Variants in POU2F2 observed in about 807,000 individuals in gnomAD.
POU2F2 encodes the protein POU domain, class 2, transcription factor 2.
In POU2F2, 14 loss-of-function variants were observed where a neutral mutation model predicts 63.5. The ratio of observed to expected loss-of-function variants is 0.22; its 90% CI spans 0.15 to 0.34. POU2F2 has a LOEUF of 0.34. Among genes scored for constraint, POU2F2 ranks in the 10% least tolerant of loss-of-function variants. The pLI, the probability that POU2F2 is intolerant of heterozygous loss-of-function variation, is 1.00. For missense variants in POU2F2, 607 were observed against 815.2 expected (o/e 0.74, Z 3.11); for synonymous variants, 306 against 348.6 (o/e 0.88, Z 1.36).
rs1555897058 is a variant in POU2F2, at chr19:42,105,999, T to TTTCTTTC, written c.370-6179_370-6178insGAAAGAA. Among the ~76,000 whole-genome samples the TTTCTTTC allele has an allele frequency of 1.3e-4, 17 of 132,324 alleles. No individual in the cohort carries two copies. The South Asian group carries it at 1.5e-3, about 12-fold the overall frequency. 86.8% of individuals were successfully genotyped at this position (132,324 alleles called of 152,430 possible). ...ACATATGATATATAGGATCTTTCTT[T>TTTCTTTC]TTTCTTTCTTTCTTTCTTTCTTTCT... On this transcript the variant is annotated intron_variant, in intron 5 of 14. Coordinates refer to ENST00000692977, the MANE Select transcript of POU2F2 (RefSeq NM_001394376.1).
At chr19:42,193,293 A>C (rs1371311742) in intron 1 of POU2F2, among the ~76,000 whole-genome samples, 1 of 152,174 alleles carries the variant, frequency 6.6e-6, no homozygotes, top group Non-Finnish European at 1.5e-5. Flanking sequence ...GAACCTGTGA[A>C]TGTTACCTTA....
chr19:42,110,202 C>T (rs1600063412), intron 5 of POU2F2, among the ~76,000 whole-genome samples: 1 of 151,670 alleles, frequency 6.6e-6, no homozygotes, highest in Admixed American at 6.6e-5. Context: ...GTTGAGGTTG[C>T]AGTGAGTTAT....
intron 2 of POU2F2, among the ~76,000 whole-genome samples, chr19:42,151,775 C>CA (rs1287586780): frequency 1.3e-5 from 2 of 152,090 alleles, no homozygotes; most frequent in Non-Finnish European, 2.9e-5. Flanking sequence ...TTGGTGGGGG[C>CA]AGATGGTAGA....
chr19:42,134,404 C>T (rs951800074), upstream of POU2F2: 1 of 152,306 alleles, frequency 6.6e-6, no homozygotes, highest in Non-Finnish European at 1.5e-5. Flanking sequence ...GCTGTATACG[C>T]TCCCTGAGAG....
rs947684029 is a variant in POU2F2, at chr19:42,169,797, G to A, written c.-70+6166C>T. ...CGGGGTGATATAAACACATGTGCGT[G>A]TGTACCTGTGTGTCTTTCTTCCCCT... On this transcript the variant is annotated intron_variant, in intron 1 of 6. Coordinates refer to the POU2F2 transcript ENST00000524801. This position sits in a 1 kb window ranked among gnomAD's most constrained non-coding sequence, Gnocchi z 4.3. Among the ~76,000 whole-genome samples the A allele has an allele frequency of 6.6e-5, 10 of 152,100 alleles. No individual in the cohort carries two copies. Among genetic ancestry groups the A allele is most frequent in the African/African-American group, 2.4e-4 (10 of 41,388 alleles).
At position 42,152,417 on chromosome 19, in the gene POU2F2, C is replaced by T. The variant is rs908475979; in HGVS notation, c.-9+7915G>A. Among the ~76,000 whole-genome samples, 1 of 152,164 alleles carries T rather than the reference C, an allele frequency of 6.6e-6. No homozygotes were observed. The highest frequency in any genetic ancestry group is 2.1e-4 in the South Asian group (1 of 4,812). ...GACTATAGGGGTCCCGGCTGCCCTC[C>T]CCCAAACCTCCCCTCCCTTCTCTCC... On this transcript the variant is annotated intron_variant, in intron 2 of 6. Transcript: ENST00000524801. The surrounding 1 kb of genome is among the most constrained non-coding windows in gnomAD (Gnocchi z 4.1).
chr19:42,091,711 C>T, intron 14 of POU2F2, 120 bp from the exon 15 acceptor site: 1 of 1,551,292 alleles, frequency 6.4e-7, no homozygotes, highest in South Asian at 1.2e-5. Flanking sequence ...CCCCCATCAG[C>T]ACCCCTCACA....
At chr19:42,176,998 G>C (rs1001835508), upstream of POU2F2, among the ~76,000 whole-genome samples, 1 of 148,768 alleles carries the variant, frequency 6.7e-6, no homozygotes, top group Non-Finnish European at 1.5e-5. Flanking sequence ...TTTTTAAATG[G>C]AAGGGCAAGC....
At chr19:42,185,313 C>T (rs558876552) in intron 1 of POU2F2, among the ~76,000 whole-genome samples, 1 of 152,048 alleles carries the variant, frequency 6.6e-6, no homozygotes, top group Non-Finnish European at 1.5e-5. Flanking sequence ...CTCCCAGTCT[C>T]CCCTCTTGCC....
chr19:42,163,201 G>A (rs1433302909), intron 1 of POU2F2, among the ~76,000 whole-genome samples: 1 of 152,134 alleles, frequency 6.6e-6, no homozygotes, highest in Non-Finnish European at 1.5e-5. Flanking sequence ...ACCAGGAATG[G>A]CCCACAAAGG....
intron 5 of POU2F2, chr19:42,116,982 C>A: frequency 1.6e-6 from 1 of 615,676 alleles, no homozygotes; most frequent in Non-Finnish European, 3.0e-6. Flanking sequence ...GGAGCTGCTG[C>A]TGAGCTGGCA....
At chr19:42,168,466 A>G (rs929516039) in intron 1 of POU2F2, among the ~76,000 whole-genome samples, 1 of 152,134 alleles carries the variant, frequency 6.6e-6, no homozygotes, top group African/African-American at 2.4e-5. Context: ...GCTTGTTCAC[A>G]TGTCCATGCC....
At chr19:42,135,916 GGCCAAACTGGTCTCGAACTCCTGA>G (rs1301537113), upstream of POU2F2, among the ~76,000 whole-genome samples, 1 of 151,976 alleles carries the variant, frequency 6.6e-6, no homozygotes, top group South Asian at 2.1e-4. Flanking sequence ...TCACCACATT[GGCCAAACTGGTCTCGAACTCCTGA>G]GATCATGTGA....
intron 1 of POU2F2, among the ~76,000 whole-genome samples, chr19:42,195,474 A>G (rs1442020738): frequency 6.6e-6 from 1 of 150,800 alleles, no homozygotes; most frequent in Non-Finnish European, 1.5e-5. Context: ...CTGGAACTAC[A>G]GGCGCCCGCC....
At position 42,104,363 on chromosome 19, in the gene POU2F2, A is replaced by T. The variant is rs542385844; in HGVS notation, c.370-4542T>A. ...AAAATTTATCTATTCTCACTCTAGAAGGCTGGGAATGGCCTTCTAGAGAGG... is the reference window on the plus strand; with the variant it reads ...AAAATTTATCTATTCTCACTCTAGATGGCTGGGAATGGCCTTCTAGAGAGG... On this transcript the variant is annotated intron_variant, in intron 5 of 14. Transcript: ENST00000692977. 7.4e-4 allele frequency among the ~76,000 whole-genome samples: 112 copies of T among 152,102 alleles called. 4 individuals carry two copies. The South Asian group carries it at 0.021, about 29-fold the overall frequency.
chr19:42,175,338 T>G (rs1454968890), intron 1 of POU2F2, among the ~76,000 whole-genome samples: 2 of 152,154 alleles, frequency 1.3e-5, no homozygotes, highest in Admixed American at 6.5e-5. Context: ...TTCCTGCCTT[T>G]GCATGGAGCC....
chr19:42,149,821 TGTC>T (rs2034305514), intron 2 of POU2F2, among the ~76,000 whole-genome samples: 1 of 152,076 alleles, frequency 6.6e-6, no homozygotes, highest in South Asian at 2.1e-4. Flanking sequence ...GGGTGTGTGG[TGTC>T]GTCCCCATCC....
At position 42,169,533 on chromosome 19, in the gene POU2F2, A is replaced by G. The variant is rs574878053; in HGVS notation, c.-70+6430T>C. On this transcript the variant is annotated intron_variant, in intron 1 of 6. Coordinates refer to the POU2F2 transcript ENST00000524801. The surrounding 1 kb of genome is among the most constrained non-coding windows in gnomAD (Gnocchi z 4.3). ...TGTGCATCTGCAGGGTTTAGCATCT[A>G]TGAATTTTCTTAGGGAATCTCTGAC... Among the ~76,000 whole-genome samples, 7 of 152,300 alleles carry G rather than the reference A, an allele frequency of 4.6e-5. No homozygotes were observed. The East Asian group carries it at 7.7e-4, about 17-fold the overall frequency.
At chr19:42,165,810 C>T (rs1453539761) in intron 1 of POU2F2, among the ~76,000 whole-genome samples, 2 of 152,186 alleles carry the variant, frequency 1.3e-5, no homozygotes, top group East Asian at 3.8e-4. Context: ...GAAATTAATA[C>T]TATTACCATC....
Sources: gnomAD v4.1 joint callset for allele counts (sites outside exome capture counted in the v4.1 genomes callset) on GRCh38, gnomAD v4.1.1 for gene constraint, Gnocchi (gnomAD v3.1) non-coding constraint, MANE v1.5 for transcripts, NCBI Gene and HGNC (gene_info 2026-07-23, HGNC 2026-07-21) for gene names.